The following SORCS2 variants were observed in gnomAD, a reference collection of about 807,000 sequenced individuals.
SORCS2 encodes sortilin related VPS10 domain containing receptor 2.
A neutral mutation model predicts 141.6 loss-of-function variants in SORCS2; 100 were observed. That is an observed-to-expected ratio of 0.71 (90% CI 0.60 to 0.83). SORCS2 has a LOEUF of 0.83. Among genes scored for constraint, SORCS2 ranks in the 40% least tolerant of loss-of-function variants. SORCS2 has a pLI of 0.00. For synonymous variants in SORCS2, 789 were observed against 676.9 expected (o/e 1.17, Z -2.57); for missense variants, 1,646 against 1,560.2 (o/e 1.05, Z -0.93).
At chr4:7,462,321 T>C (rs1339882822) in intron 2 of SORCS2, among the ~76,000 whole-genome samples, 2 of 152,206 alleles carry the variant, frequency 1.3e-5, no homozygotes, top group Non-Finnish European at 2.9e-5. Flanking sequence ...CGTACCTTCA[T>C]GAGCCTCAGC....
intron 3 of SORCS2, among the ~76,000 whole-genome samples, chr4:7,564,970 A>G (rs1363925594): frequency 6.6e-6 from 1 of 152,082 alleles, no homozygotes; most frequent in African/African-American, 2.4e-5. Context: ...GCCACTCTGA[A>G]TGAGATGCGG....
At position 7,654,603 on chromosome 4, in the gene SORCS2, C is replaced by T. The variant is rs189911289; in HGVS notation, c.887+396C>T. On this transcript the variant is annotated intron_variant, in intron 5 of 26. Coordinates refer to ENST00000507866, the MANE Select transcript of SORCS2 (RefSeq NM_020777.3). ...GCAGCACCCGGCCCACCACTCCGCA[C>T]TCCCTGCCCGACCCCAGGCCCTGAC... Among the ~76,000 whole-genome samples, 288 of 152,326 alleles carry T rather than the reference C, an allele frequency of 1.9e-3. 1 individual carries two copies. The highest frequency in any genetic ancestry group is 6.5e-3 in the African/African-American group (271 of 41,566).
chr4:7,372,911 C>T (rs1272313684), intron 1 of SORCS2, among the ~76,000 whole-genome samples: 4 of 151,716 alleles, frequency 2.6e-5, no homozygotes, highest in African/African-American at 9.7e-5. Flanking sequence ...GTCAGGAGTT[C>T]GTGCCTCTTT....
At chr4:7,739,927 G>A (rs895305626) in intron 26 of SORCS2, among the ~76,000 whole-genome samples, 2 of 152,176 alleles carry the variant, frequency 1.3e-5, no homozygotes, top group Admixed American at 6.5e-5. Flanking sequence ...TCCCCACGCA[G>A]GTCAGTGGCT....
chr4:7,501,288 T>C (rs1465544418), intron 2 of SORCS2, among the ~76,000 whole-genome samples: 2 of 152,214 alleles, frequency 1.3e-5, no homozygotes, highest in African/African-American at 4.8e-5. Context: ...GCTCTGTTCT[T>C]GGTTCCTTGG....
intron 1 of SORCS2, among the ~76,000 whole-genome samples, chr4:7,271,285 T>A (rs552857673): frequency 9.8e-5 from 15 of 152,336 alleles, no homozygotes; most frequent in African/African-American, 3.4e-4. Context: ...AAGAGTCTAA[T>A]GATCCCAGTG....
intron 2 of SORCS2, among the ~76,000 whole-genome samples, chr4:7,474,119 C>T (rs371959598): frequency 1.3e-5 from 2 of 152,274 alleles, no homozygotes; most frequent in Admixed American, 1.3e-4. Flanking sequence ...TGCTCACCCC[C>T]GTGTCTCCAG....
chr4:7,546,531 C>T (rs544632446), intron 3 of SORCS2, among the ~76,000 whole-genome samples: 12 of 152,044 alleles, frequency 7.9e-5, no homozygotes, highest in East Asian at 3.9e-4. Flanking sequence ...GTCCTTCAAG[C>T]GGGAGAGGAG....
intron 1 of SORCS2, among the ~76,000 whole-genome samples, chr4:7,304,929 T>A (rs1159307553): frequency 2.6e-5 from 4 of 152,204 alleles, no homozygotes; most frequent in Admixed American, 6.5e-5. Flanking sequence ...GGCTTCATGC[T>A]GGAGGCATCC....
chr4:7,728,710 G>A (rs1286289688), intron 22 of SORCS2, among the ~76,000 whole-genome samples: 8 of 152,232 alleles, frequency 5.3e-5, no homozygotes, highest in Non-Finnish European at 1.0e-4. Context: ...CACCCTCCAT[G>A]CACACAGTCC....
At chr4:7,627,680 G>C (rs1204065720) in intron 3 of SORCS2, among the ~76,000 whole-genome samples, 1 of 152,242 alleles carries the variant, frequency 6.6e-6, no homozygotes, top group Non-Finnish European at 1.5e-5. Flanking sequence ...GGTCTTGGCA[G>C]GGAAGAGGTT....
chr4:7,263,268 C>T (rs937480756), intron 1 of SORCS2, among the ~76,000 whole-genome samples: 2 of 152,112 alleles, frequency 1.3e-5, no homozygotes, highest in African/African-American at 4.8e-5. Context: ...GAGAGGTCAC[C>T]TGGTGTAATG....
chr4:7,242,234 C>G (rs1355784701), intron 1 of SORCS2, among the ~76,000 whole-genome samples: 1 of 152,088 alleles, frequency 6.6e-6, no homozygotes, highest in South Asian at 2.1e-4. Context: ...GGGTCTCATT[C>G]TGTCATCCAA....
chr4:7,667,270 T>G, intron 8 of SORCS2, 57 bp downstream of exon 8: 2 of 1,513,336 alleles, frequency 1.3e-6, no homozygotes, highest in Non-Finnish European at 1.8e-6. Context: ...TTATCCTGAC[T>G]CATGGGGCAA....
intron 12 of SORCS2, among the ~76,000 whole-genome samples, chr4:7,700,848 G>T (rs539749229): frequency 6.6e-6 from 1 of 152,330 alleles, no homozygotes; most frequent in South Asian, 2.1e-4. Context: ...ACCTGTGTGG[G>T]GGCAAGATGT....
intron 3 of SORCS2, among the ~76,000 whole-genome samples, chr4:7,574,712 C>T (rs766060140): frequency 6.6e-6 from 1 of 152,092 alleles, no homozygotes; most frequent in Non-Finnish European, 1.5e-5. Flanking sequence ...AGGAAGTCAC[C>T]AGGGCAGGGC....
chr4:7,247,427 T>C (rs1016345232), intron 1 of SORCS2, among the ~76,000 whole-genome samples: 2 of 152,232 alleles, frequency 1.3e-5, no homozygotes, highest in African/African-American at 4.8e-5. Flanking sequence ...GCAATATTTG[T>C]ACCTAAACAT....
At chr4:7,225,150 T>G (rs557250000) in intron 1 of SORCS2, among the ~76,000 whole-genome samples, 2 of 152,206 alleles carry the variant, frequency 1.3e-5, no homozygotes, top group Non-Finnish European at 2.9e-5. Context: ...GTTACTCCCA[T>G]CTTCCCCTAC....
chr4:7,468,073 G>A (rs1466876559), intron 2 of SORCS2, among the ~76,000 whole-genome samples: 2 of 152,146 alleles, frequency 1.3e-5, no homozygotes, highest in Non-Finnish European at 2.9e-5. Context: ...CCCAGCTCCC[G>A]CATCTGTTTC....
Sources: allele counts gnomAD v4.1 joint callset (sites outside exome capture counted in the v4.1 genomes callset), GRCh38; gene constraint gnomAD v4.1.1; transcripts MANE v1.5; gene names NCBI Gene and HGNC (gene_info 2026-07-23, HGNC 2026-07-21).